Variants in CTSH observed in about 807,000 individuals in gnomAD.
CTSH encodes the protein pro-cathepsin H.
In CTSH, 52 loss-of-function variants were observed where a neutral mutation model predicts 56.3. That is an observed-to-expected ratio of 0.92 (90% CI 0.74 to 1.16). CTSH has a LOEUF of 1.16. Among genes scored for constraint, CTSH ranks in the 50% most tolerant of loss-of-function variants. The pLI is 0.00. For missense variants in CTSH, 406 were observed against 424.5 expected, an observed-to-expected ratio of 0.96 and a Z score of 0.38; for synonymous variants, 174 against 155.7, an observed-to-expected ratio of 1.12 and a Z score of -0.88.
intron 6 of CTSH, 100 bp from the exon 7 acceptor site, chr15:78,931,606 C>T (rs556619280): frequency 5.0e-5 from 80 of 1,595,566 alleles, no homozygotes; most frequent in South Asian, 4.1e-4. Flanking sequence ...TCTGAGGCCC[C>T]GTCAGTGCTG....
chr15:78,927,460 C>A, intron 9 of CTSH: 1 of 546,984 alleles, frequency 1.8e-6, no homozygotes, highest in South Asian at 2.4e-5. Context: ...AGCAAGAAAA[C>A]AGAACCAAAA....
Position 78,937,326 on chromosome 15 carries a change from G to C in CTSH, c.221C>G (p.Thr74Arg). 6.2e-7 allele frequency: 1 copy of C among 1,613,424 alleles called. No homozygotes were observed. The highest frequency in any genetic ancestry group is 8.5e-7 in the Non-Finnish European group (1 of 1,179,476). The part of the protein sequence containing the change: ...KINAHNNGNH[T>R]FKMALNQFSD... ...GAAGGCGTTCCACGTACTTTTAAAT[G>C]TGTGGTTCCCATTGTTGTGGGCGTT... Residue 74 changes from threonine to arginine, a missense_variant, in exon 3 of 12, where the codon ACA becomes AGA. Transcript: ENST00000220166.
intron 4 of CTSH, 57 bp from the exon 5 acceptor site, chr15:78,935,139 GACA>G (rs2055149047): frequency 6.8e-6 from 8 of 1,174,298 alleles, no homozygotes; most frequent in Middle Eastern, 1.9e-4. Context: ...AAACCTTTCT[GACA>G]ACAAGAAGAA....
Position 78,923,100 on chromosome 15 carries a change from A to C in CTSH, c.825T>G (p.Thr275=). The C allele has an allele frequency of 6.2e-7, 1 of 1,612,638 alleles. No individual in the cohort carries two copies. The highest frequency in any genetic ancestry group is 1.1e-5 in the South Asian group (1 of 90,642). ...GIYSSTSCHK[T]PDKVNHAVLA... ...GTACTGCATGGTTTACTTTATCTGG[A>C]GTTTTATGGCAGGAAGTACTGGAAA... The change falls in exon 11 of 12, where the codon ACT becomes ACG. Residue 275 remains threonine, a synonymous_variant. Coordinates refer to ENST00000220166, the MANE Select transcript of CTSH (RefSeq NM_004390.5).
chr15:78,927,015 T>A (rs2054919997), intron 9 of CTSH: 1 of 152,308 alleles, frequency 6.6e-6, no homozygotes. Flanking sequence ...GCGATATTCC[T>A]CCACTCCTCA....
rs184243138 is a variant in CTSH, at chr15:78,923,632, C to T, written c.807-514G>A. 2.1e-3 allele frequency among the ~76,000 whole-genome samples: 317 copies of T among 152,248 alleles called. 4 individuals are homozygous for T. The highest frequency in any genetic ancestry group is 4.4e-4 in the Non-Finnish European group (30 of 68,010). On this transcript the variant is annotated intron_variant, in intron 10 of 11. Transcript: ENST00000220166. ...CTTCTGCTTCTGTCAGGAGAATCTC[C>T]ATATGGTGCTGGCCCGTGTCTCACC...
chr15:78,936,850 A>T (rs1339487220), intron 3 of CTSH, among the ~76,000 whole-genome samples: 3 of 152,038 alleles, frequency 2.0e-5, no homozygotes, highest in African/African-American at 4.8e-5. Flanking sequence ...GCTGGTCTTG[A>T]ACTCCCAACC....
chr15:78,922,506 G>A (rs2054793722), intron 11 of CTSH, among the ~76,000 whole-genome samples: 2 of 152,234 alleles, frequency 1.3e-5, no homozygotes, highest in Admixed American at 1.3e-4. Context: ...ATCACCAGGA[G>A]CCCGAGGGAA....
intron 7 of CTSH, among the ~76,000 whole-genome samples, chr15:78,930,113 C>A (rs193128367): frequency 1.1e-4 from 17 of 152,228 alleles, no homozygotes; most frequent in African/African-American, 3.6e-4. Flanking sequence ...CCAGAATGCC[C>A]GCTCTTCCAG....
chr15:78,933,503 C>A (rs185720695), intron 5 of CTSH: 2 of 454,094 alleles, frequency 4.4e-6, no homozygotes, highest in Non-Finnish European at 8.9e-6. Flanking sequence ...CAGGTCATCA[C>A]CCTAGGTTGA....
At chr15:78,923,518 A>G (rs918104270) in intron 10 of CTSH, among the ~76,000 whole-genome samples, 4 of 152,100 alleles carry the variant, frequency 2.6e-5, no homozygotes, top group Non-Finnish European at 5.9e-5. Context: ...CGAGCTCCTG[A>G]CCTCAGGTGA....
chr15:78,943,604 T>C (rs1468549334), intron 1 of CTSH, among the ~76,000 whole-genome samples: 3 of 152,152 alleles, frequency 2.0e-5, no homozygotes, highest in Non-Finnish European at 4.4e-5. Flanking sequence ...AAGAAACATA[T>C]TTCGTAGCAC....
intron 2 of CTSH, among the ~76,000 whole-genome samples, chr15:78,938,605 T>A (rs2055224968): frequency 6.6e-6 from 1 of 152,200 alleles, no homozygotes; most frequent in Non-Finnish European, 1.5e-5. Flanking sequence ...TTTCATTCTT[T>A]GTTATGGCTG....
At chr15:78,937,575 A>G (rs1422643460) in intron 2 of CTSH, 152 bp from the exon 3 acceptor site, 2 of 1,384,992 alleles carry the variant, frequency 1.4e-6, no homozygotes, top group Non-Finnish European at 1.9e-6. Context: ...TACTGCTGAG[A>G]AATTTGGGAA....
chr15:78,930,174 A>G (rs535705712), intron 7 of CTSH, among the ~76,000 whole-genome samples: 1 of 152,324 alleles, frequency 6.6e-6, no homozygotes, highest in African/African-American at 2.4e-5. Flanking sequence ...GTGCTCTGTG[A>G]TATTTGTTGT....
intron 9 of CTSH, chr15:78,927,338 C>A (rs1299118988): frequency 3.6e-6 from 1 of 278,608 alleles, no homozygotes; most frequent in Non-Finnish European, 6.9e-6. Flanking sequence ...TGCAACAGAA[C>A]CTGGCTCATC....
At chr15:78,929,058 G>T (rs1170574884) in intron 8 of CTSH, among the ~76,000 whole-genome samples, 1 of 152,118 alleles carries the variant, frequency 6.6e-6, no homozygotes, top group African/African-American at 2.4e-5. Context: ...GGCACAAGAG[G>T]CCAACTGCAT....
At chr15:78,937,729 G>A in intron 2 of CTSH, 1 of 1,349,118 alleles carries the variant, frequency 7.4e-7, no homozygotes, top group South Asian at 1.2e-5. Flanking sequence ...CTGGTGCTGG[G>A]TCAAGTTTAC....
At chr15:78,935,773 C>T (rs1426502581) in intron 3 of CTSH, 23 bp from the exon 4 acceptor site, 1 of 1,572,322 alleles carries the variant, frequency 6.4e-7, no homozygotes, top group Admixed American at 1.7e-5. Flanking sequence ...AGGAAAAAAC[C>T]AAAACAGAAA....
Sources: gnomAD v4.1 joint callset for allele counts (sites outside exome capture counted in the v4.1 genomes callset) on GRCh38, gnomAD v4.1.1 for gene constraint, MANE v1.5 for transcripts, NCBI Gene and HGNC (gene_info 2026-07-23, HGNC 2026-07-21) for gene names.